THEMIS: variants seen among roughly 807,000 people sequenced by gnomAD.
THEMIS encodes protein THEMIS.
In THEMIS, 37 loss-of-function variants were observed where a neutral mutation model predicts 52.6. The ratio of observed to expected loss-of-function variants is 0.70; its 90% CI spans 0.54 to 0.93. The LOEUF is 0.93. Ranked by LOEUF, THEMIS falls within the 40% of genes least tolerant of loss-of-function variation. The pLI is 0.00. For missense variants in THEMIS, 808 were observed against 763.1 expected, an observed-to-expected ratio of 1.06 and a Z score of -0.69; for synonymous variants, 292 against 272.7, an observed-to-expected ratio of 1.07 and a Z score of -0.70.
At chr6:127,753,784 A>C (rs1473017655) in intron 4 of THEMIS, among the ~76,000 whole-genome samples, 2 of 152,104 alleles carry the variant, frequency 1.3e-5, no homozygotes, top group African/African-American at 2.4e-5. Flanking sequence ...CAAAGGATAC[A>C]AAGTTTCATT....
At chr6:127,905,201 T>C (rs1049710084), upstream of THEMIS, among the ~76,000 whole-genome samples, 4 of 152,026 alleles carry the variant, frequency 2.6e-5, no homozygotes, top group African/African-American at 7.2e-5. Context: ...AGGAACATCA[T>C]ACTAAAACGT....
intron 2 of THEMIS, among the ~76,000 whole-genome samples, chr6:127,852,941 T>C (rs1029808965): frequency 3.3e-5 from 5 of 151,628 alleles, no homozygotes; most frequent in African/African-American, 1.2e-4. Context: ...ATCATGCTAA[T>C]TGGAAGTTCA....
intron 4 of THEMIS, among the ~76,000 whole-genome samples, chr6:127,806,132 A>T (rs897174949): frequency 2.0e-5 from 3 of 152,258 alleles, no homozygotes; most frequent in Non-Finnish European, 4.4e-5. Context: ...CAATGAACTG[A>T]TCATTTTTCT....
chr6:127,866,572 C>G (rs926997334), intron 1 of THEMIS, among the ~76,000 whole-genome samples: 1 of 151,828 alleles, frequency 6.6e-6, no homozygotes, highest in Non-Finnish European at 1.5e-5. Context: ...AATTAAATTG[C>G]CCTTTGGTGG....
chr6:127,881,526 G>A (rs1780484551), intron 1 of THEMIS, among the ~76,000 whole-genome samples: 1 of 151,830 alleles, frequency 6.6e-6, no homozygotes, highest in African/African-American at 2.4e-5. Context: ...TAACAACAAA[G>A]AACTTAGTTA....
chr6:127,894,500 C>A (rs1780904834), intron 1 of THEMIS, among the ~76,000 whole-genome samples: 1 of 151,490 alleles, frequency 6.6e-6, no homozygotes, highest in African/African-American at 2.4e-5. Flanking sequence ...TTATAGGAAA[C>A]AGTTAAAAAT....
chr6:127,736,851 C>A (rs866587371), intron 4 of THEMIS, among the ~76,000 whole-genome samples: 434 of 104,288 alleles, frequency 4.2e-3, no homozygotes, highest in Middle Eastern at 0.017. Context: ...ACCAAATGAT[C>A]AAAAAAAAAA....
At chr6:127,797,454 C>G (rs1156568626) in intron 4 of THEMIS, among the ~76,000 whole-genome samples, 1 of 152,304 alleles carries the variant, frequency 6.6e-6, no homozygotes, top group East Asian at 1.9e-4. Context: ...GAACCCACAC[C>G]TTCATTCTGC....
At chr6:127,788,974 A>G (rs1280667603) in intron 4 of THEMIS, among the ~76,000 whole-genome samples, 1 of 152,218 alleles carries the variant, frequency 6.6e-6, no homozygotes, top group African/African-American at 2.4e-5. Flanking sequence ...AAAGAACTAG[A>G]GAAGCATGAG....
At chr6:127,734,542 A>C (rs1774919394) in intron 4 of THEMIS, among the ~76,000 whole-genome samples, 1 of 152,104 alleles carries the variant, frequency 6.6e-6, no homozygotes, top group Admixed American at 6.6e-5. Context: ...CTTGAAATCA[A>C]GACAATAATT....
intron 4 of THEMIS, among the ~76,000 whole-genome samples, chr6:127,738,965 T>A (rs1309255603): frequency 6.6e-6 from 1 of 152,140 alleles, no homozygotes; most frequent in Non-Finnish European, 1.5e-5. Flanking sequence ...TAATTAAAAA[T>A]ATATATATTC....
intron 5 of THEMIS, among the ~76,000 whole-genome samples, chr6:127,717,218 T>C (rs1774199542): frequency 6.6e-6 from 1 of 151,440 alleles, no homozygotes; most frequent in South Asian, 2.1e-4. Context: ...AAAAAGCACA[T>C]GGTATAGCAC....
chr6:127,803,746 C>A (rs897157994), intron 4 of THEMIS, among the ~76,000 whole-genome samples: 4 of 152,168 alleles, frequency 2.6e-5, no homozygotes, highest in Non-Finnish European at 5.9e-5. Flanking sequence ...ATCAGTGGAT[C>A]AGGAAAGAAA....
At chr6:127,716,479 G>C (rs1285468166) in intron 5 of THEMIS, among the ~76,000 whole-genome samples, 1 of 151,762 alleles carries the variant, frequency 6.6e-6, no homozygotes, top group Non-Finnish European at 1.5e-5. Flanking sequence ...TTTGATGCAG[G>C]GGGTATAAAG....
intron 1 of THEMIS, among the ~76,000 whole-genome samples, chr6:127,864,449 G>C (rs1562308780): frequency 1.3e-5 from 2 of 152,086 alleles, no homozygotes; most frequent in East Asian, 3.9e-4. Context: ...TAGTTTGAAA[G>C]GGAATAAAAT....
chr6:127,799,272 A>G (rs977482933), intron 4 of THEMIS, among the ~76,000 whole-genome samples: 3 of 152,194 alleles, frequency 2.0e-5, no homozygotes, highest in Non-Finnish European at 4.4e-5. Context: ...TGTGGTGATC[A>G]AAAACAAAAA....
intron 4 of THEMIS, among the ~76,000 whole-genome samples, chr6:127,761,580 G>A (rs1028831256): frequency 6.6e-6 from 1 of 152,096 alleles, no homozygotes; most frequent in Admixed American, 6.6e-5. Context: ...TAAGGCCACT[G>A]AACAAGCACT....
intron 4 of THEMIS, among the ~76,000 whole-genome samples, chr6:127,728,618 G>A (rs1242403337): frequency 6.6e-6 from 1 of 152,152 alleles, no homozygotes; most frequent in Non-Finnish European, 1.5e-5. Context: ...TATGCAATGA[G>A]CAACAACTAT....
chr6:127,727,483 G>A (rs1036192417), intron 4 of THEMIS, among the ~76,000 whole-genome samples: 1 of 152,070 alleles, frequency 6.6e-6, no homozygotes, highest in Non-Finnish European at 1.5e-5. Context: ...GAACTGTGGT[G>A]TACTTTATAA....
Sources: allele counts gnomAD v4.1 joint callset (sites outside exome capture counted in the v4.1 genomes callset), GRCh38; gene constraint gnomAD v4.1.1; transcripts MANE v1.5; gene names NCBI Gene and HGNC (gene_info 2026-07-23, HGNC 2026-07-21).